The following NRXN1 variants were observed in gnomAD, a reference collection of about 807,000 sequenced individuals.
NRXN1 encodes the protein neurexin-1.
In NRXN1, 39 loss-of-function variants were observed where a neutral mutation model predicts 150.9. The observed-to-expected ratio is 0.26, with a 90% CI of 0.20 to 0.34. NRXN1 has a LOEUF of 0.34. Ranked by LOEUF, NRXN1 falls within the 10% of genes least tolerant of loss-of-function variation. NRXN1 has a pLI of 1.00. For synonymous variants in NRXN1, 924 were observed against 757.0 expected, an observed-to-expected ratio of 1.22 and a Z score of -3.62; for missense variants, 1,815 against 1,949.9, an observed-to-expected ratio of 0.93 and a Z score of 1.30.
intron 8 of NRXN1, among the ~76,000 whole-genome samples, chr2:50,598,843 C>T (rs1209354204): frequency 2.6e-5 from 4 of 151,462 alleles, no homozygotes; most frequent in Admixed American, 1.3e-4. Context: ...CTGCAACCTC[C>T]GCCTCCCAGG....
At chr2:50,083,254 G>T (rs1341298035) in intron 19 of NRXN1, among the ~76,000 whole-genome samples, 1 of 152,206 alleles carries the variant, frequency 6.6e-6, no homozygotes, top group Non-Finnish European at 1.5e-5. Context: ...GAATGAAGCA[G>T]TTAAGCCTAG....
At chr2:50,859,520 G>C (rs962513662) in intron 5 of NRXN1, among the ~76,000 whole-genome samples, 3 of 151,396 alleles carry the variant, frequency 2.0e-5, no homozygotes, top group Admixed American at 2.0e-4. Context: ...GCAAAAAAAA[G>C]AGATGTCTCC....
intron 8 of NRXN1, among the ~76,000 whole-genome samples, chr2:50,611,231 T>C (rs1678065105): frequency 6.6e-6 from 1 of 152,114 alleles, no homozygotes; most frequent in Non-Finnish European, 1.5e-5. Flanking sequence ...CTATAAAATG[T>C]ATCAAGTCCT....
intron 18 of NRXN1, among the ~76,000 whole-genome samples, chr2:50,120,817 C>G (rs1703752287): frequency 6.6e-6 from 1 of 152,188 alleles, no homozygotes; most frequent in African/African-American, 2.4e-5. Context: ...GTGGCAACAA[C>G]TGATGCCACA....
chr2:50,808,908 A>T (rs1263939760), intron 5 of NRXN1, among the ~76,000 whole-genome samples: 1 of 152,154 alleles, frequency 6.6e-6, no homozygotes, highest in Non-Finnish European at 1.5e-5. Flanking sequence ...CAGTCATCCC[A>T]GGTAATCATA....
intron 19 of NRXN1, among the ~76,000 whole-genome samples, chr2:50,058,688 T>C (rs905819415): frequency 5.9e-5 from 9 of 152,184 alleles, no homozygotes; most frequent in Non-Finnish European, 1.3e-4. Flanking sequence ...TCCCTACAAG[T>C]GGCAGGAGGG....
Position 50,730,750 on chromosome 2 carries a change from G to T in NRXN1, c.833-107135C>A, listed in dbSNP as rs563093388. Reference sequence around the variant, plus strand: ...TGCAGTGGCGCGATCTGGGCTAACTGCAAGCTCCGCCTCCCGGGTTCACGC... The same window carrying T: ...TGCAGTGGCGCGATCTGGGCTAACTTCAAGCTCCGCCTCCCGGGTTCACGC... On this transcript the variant is annotated intron_variant, in intron 5 of 22. Transcript: ENST00000401669. 2.9e-5 allele frequency among the ~76,000 whole-genome samples: 4 copies of T among 138,114 alleles called. No individual in the cohort carries two copies. The South Asian group carries it at 6.7e-4, about 23-fold the overall frequency. The allele number at this position is 138,114 out of a possible 152,430, so 90.6% of individuals were successfully genotyped here.
At chr2:50,798,521 G>C (rs1249734046) in intron 5 of NRXN1, among the ~76,000 whole-genome samples, 1 of 151,988 alleles carries the variant, frequency 6.6e-6, no homozygotes, top group Non-Finnish European at 1.5e-5. Context: ...AAAATTCTCT[G>C]GTTCAGCAAG....
At chr2:50,204,628 G>A (rs1019115950) in intron 18 of NRXN1, among the ~76,000 whole-genome samples, 1 of 151,992 alleles carries the variant, frequency 6.6e-6, no homozygotes, top group African/African-American at 2.4e-5. Flanking sequence ...AAACTTTTCT[G>A]GATATGGCTT....
At chr2:50,274,919 A>T (rs1045138290) in intron 17 of NRXN1, among the ~76,000 whole-genome samples, 1 of 152,198 alleles carries the variant, frequency 6.6e-6, no homozygotes, top group Non-Finnish European at 1.5e-5. Context: ...TTTTCTCTGT[A>T]TACTTAACTC....
intron 5 of NRXN1, among the ~76,000 whole-genome samples, chr2:50,822,903 T>C (rs1669935119): frequency 6.6e-6 from 1 of 152,210 alleles, no homozygotes; most frequent in Non-Finnish European, 1.5e-5. Flanking sequence ...GTTTATACAT[T>C]GTAATGAATT....
chr2:50,530,067 C>T (rs1163458872), intron 11 of NRXN1, among the ~76,000 whole-genome samples: 1 of 152,060 alleles, frequency 6.6e-6, no homozygotes, highest in Admixed American at 6.6e-5. Flanking sequence ...TATGTAGTTT[C>T]AAATTTCATT....
intron 21 of NRXN1, among the ~76,000 whole-genome samples, chr2:49,981,404 G>A (rs1015697875): frequency 6.6e-6 from 1 of 151,866 alleles, no homozygotes; most frequent in African/African-American, 2.4e-5. Flanking sequence ...GGGAGGGAGG[G>A]AAGAGGGAAA....
At chr2:50,019,361 C>T (rs1687129472) in intron 21 of NRXN1, 1 of 470,236 alleles carries the variant, frequency 2.1e-6, no homozygotes, top group Non-Finnish European at 4.4e-6. Flanking sequence ...AGAGCTAGGT[C>T]GGGCTGGGCG....
intron 12 of NRXN1, among the ~76,000 whole-genome samples, chr2:50,513,836 G>A (rs2092544850): frequency 6.6e-6 from 1 of 152,100 alleles, no homozygotes; most frequent in Non-Finnish European, 1.5e-5. Flanking sequence ...AAAACCCATA[G>A]CAGTTATATT....
intron 5 of NRXN1, among the ~76,000 whole-genome samples, chr2:50,758,309 T>C (rs1185576238): frequency 6.6e-6 from 1 of 151,844 alleles, no homozygotes; most frequent in Non-Finnish European, 1.5e-5. Flanking sequence ...CTTTACTTAA[T>C]GACTGACTCT....
intron 8 of NRXN1, among the ~76,000 whole-genome samples, chr2:50,585,909 T>TA (rs1673023761): frequency 6.6e-6 from 1 of 152,204 alleles, no homozygotes; most frequent in African/African-American, 2.4e-5. Flanking sequence ...CTGAGTTACA[T>TA]TTGGTCACAT....
At chr2:49,956,364 C>G (rs1481307906) in intron 21 of NRXN1, among the ~76,000 whole-genome samples, 2 of 152,136 alleles carry the variant, frequency 1.3e-5, no homozygotes, top group Non-Finnish European at 2.9e-5. Context: ...ATTTGAAAAG[C>G]AACGAGAAGC....
At chr2:50,719,162 A>T (rs1028829571) in intron 5 of NRXN1, among the ~76,000 whole-genome samples, 1 of 151,710 alleles carries the variant, frequency 6.6e-6, no homozygotes, top group East Asian at 1.9e-4. Flanking sequence ...ACTATCACAC[A>T]TGTTTGACTA....
Sources: gnomAD v4.1 joint callset for allele counts (sites outside exome capture counted in the v4.1 genomes callset) on GRCh38, gnomAD v4.1.1 for gene constraint, MANE v1.5 for transcripts, NCBI Gene and HGNC (gene_info 2026-07-23, HGNC 2026-07-21) for gene names.